PCDHAC1: variants seen among roughly 807,000 people sequenced by gnomAD.
The protein encoded by PCDHAC1 is protocadherin alpha subfamily C, 1, also known as protocadherin alpha-C1.
A neutral mutation model predicts 60.0 loss-of-function variants in PCDHAC1; 42 were observed. The observed-to-expected ratio is 0.70, with a 90% CI of 0.55 to 0.90. The LOEUF (loss-of-function observed/expected upper bound fraction) is 0.90, where lower values mean the gene tolerates loss of function less well. Ranked by LOEUF, PCDHAC1 falls within the 40% of genes least tolerant of loss-of-function variation. The pLI is 0.00. For missense variants in PCDHAC1, 1,160 were observed against 1,222.3 expected, an observed-to-expected ratio of 0.95 and a Z score of 0.76; for synonymous variants, 468 against 499.3, an observed-to-expected ratio of 0.94 and a Z score of 0.84.
At chr5:140,989,598 TA>T (rs1554250927) in intron 3 of PCDHAC1, among the ~76,000 whole-genome samples, 1 of 152,144 alleles carries the variant, frequency 6.6e-6, no homozygotes, top group Non-Finnish European at 1.5e-5. Flanking sequence ...CTGACACAAG[TA>T]AACTAAAAAT....
intron 2 of PCDHAC1, among the ~76,000 whole-genome samples, chr5:140,981,648 C>T (rs1294806137): frequency 6.6e-6 from 1 of 152,020 alleles, no homozygotes; most frequent in Non-Finnish European, 1.5e-5. Context: ...TCTTAGGATC[C>T]CACTTATTTC....
At chr5:141,002,014 C>T (rs1025365420) in intron 3 of PCDHAC1, among the ~76,000 whole-genome samples, 1 of 152,220 alleles carries the variant, frequency 6.6e-6, no homozygotes, top group Non-Finnish European at 1.5e-5. Context: ...AGAATCTGCA[C>T]AGCCTTCGGT....
chr5:140,969,007 A>T, intron 1 of PCDHAC1: 2 of 1,614,148 alleles, frequency 1.2e-6, no homozygotes, highest in Non-Finnish European at 1.7e-6. Context: ...GCTTCTGTGG[A>T]GTAAGGGAAA....
At position 140,928,208 on chromosome 5, in the gene PCDHAC1, A is replaced by G; in HGVS notation, c.1316A>G (p.Asn439Ser). The change falls in exon 1 of 4, where the codon AAT becomes AGT. Residue 439 changes from asparagine (N) to serine (S), a missense_variant. By Grantham distance (46) the Asn-to-Ser change is conservative. Coordinates refer to ENST00000253807, the MANE Select transcript of PCDHAC1 (RefSeq NM_018898.5). ...ATCACTGTGTCAGTTGCTGATGTGA[A>G]TGACAATACACCAAACTTTCCTCAA... ...RTITVSVADV[N>S]DNTPNFPQPQ... 6.2e-7 allele frequency: 1 copy of G among 1,614,228 alleles called. No individual in the cohort carries two copies. The highest frequency in any genetic ancestry group is 8.5e-7 in the Non-Finnish European group (1 of 1,180,044).
chr5:141,004,933 AAAAT>A (rs1336216932), intron 3 of PCDHAC1, among the ~76,000 whole-genome samples: 1 of 152,198 alleles, frequency 6.6e-6, no homozygotes, highest in Non-Finnish European at 1.5e-5. Flanking sequence ...AAGAGAGAAG[AAAAT>A]TTCTTACCCT....
chr5:140,980,441 A>G (rs1454168972), intron 2 of PCDHAC1, among the ~76,000 whole-genome samples: 7 of 152,124 alleles, frequency 4.6e-5, no homozygotes, highest in African/African-American at 1.7e-4. Context: ...ACCATCCTGG[A>G]CAACACGGTG....
rs145391750 is a variant in PCDHAC1, at chr5:140,989,649, A to G, written c.2581+7086A>G. On this transcript the variant is annotated intron_variant, in intron 3 of 3. Coordinates refer to ENST00000253807, the MANE Select transcript of PCDHAC1 (RefSeq NM_018898.5). ...GTGACAGCAAGGGTCTTTCATGGCA[A>G]TATTTTAAAAGAAACTCTGCCCAGA... 1.8e-3 allele frequency among the ~76,000 whole-genome samples: 268 copies of G among 152,316 alleles called. 1 individual carries two copies. The highest frequency in any genetic ancestry group is 6.3e-3 in the African/African-American group (263 of 41,564).
intron 1 of PCDHAC1, among the ~76,000 whole-genome samples, chr5:140,933,221 G>A (rs952837794): frequency 2.0e-5 from 3 of 151,758 alleles, no homozygotes; most frequent in Non-Finnish European, 4.4e-5. Flanking sequence ...CTGTTATATT[G>A]CATTTATGAA....
chr5:141,000,103 G>T (rs551643743), intron 3 of PCDHAC1, among the ~76,000 whole-genome samples: 2 of 152,068 alleles, frequency 1.3e-5, no homozygotes, highest in Non-Finnish European at 2.9e-5. Flanking sequence ...GCTCAACTCC[G>T]TCTCTTCCCT....
In PCDHAC1 at chr5:140,982,309, G is replaced by A. The variant is rs1459964622; in HGVS notation, c.2493-166G>A. On this transcript the variant is annotated intron_variant, in intron 2 of 3. Coordinates refer to ENST00000253807, the MANE Select transcript of PCDHAC1 (RefSeq NM_018898.5). Reference sequence around the variant, plus strand: ...TAAGTAAGTCAGCAATGCTTCTGCAGTTTATGCAGGGTGACTGCTCAGCAG... The same window carrying A: ...TAAGTAAGTCAGCAATGCTTCTGCAATTTATGCAGGGTGACTGCTCAGCAG... 5.4e-6 allele frequency: 7 copies of A among 1,306,624 alleles called. No homozygotes were observed. The Admixed American group carries it at 1.8e-4, about 34-fold the overall frequency. The allele number at this position is 1,306,624 out of a possible 1,614,324, so 80.9% of individuals were successfully genotyped here. A position where few individuals can be genotyped will look rare whatever the true frequency, so the allele number is the denominator to read the frequency against.
Position 140,927,592 on chromosome 5 carries a change from G to A in PCDHAC1, c.700G>A (p.Glu234Lys). 5 of 1,614,170 alleles carry A rather than the reference G, an allele frequency of 3.1e-6. No individual in the cohort carries two copies. Among genetic ancestry groups the A allele is most frequent in the Non-Finnish European group, 4.2e-6 (5 of 1,180,036 alleles). The change falls in exon 1 of 4, where the codon GAG becomes AAG. Residue 234 changes from glutamate (E) to lysine (K), a missense_variant. By Grantham distance (56) the Glu-to-Lys change is moderately conservative. Transcript: ENST00000253807. ...CACAAATGACAACGCGCCTGTATTT[G>A]AGCGCTCCGTATACCGCACCAAGGT... ...VDTNDNAPVF[E>K]RSVYRTKVPE...
chr5:140,970,647 T>C lies in PCDHAC1; in HGVS notation c.2434-8302T>C, dbSNP rs529255517. Among the ~76,000 whole-genome samples, 9 of 152,352 alleles carry C rather than the reference T, an allele frequency of 5.9e-5. No homozygotes were observed. The South Asian group carries it at 1.9e-3, about 32-fold the overall frequency. On this transcript the variant is annotated intron_variant, in intron 1 of 3. Coordinates refer to ENST00000253807, the MANE Select transcript of PCDHAC1 (RefSeq NM_018898.5). ...CAAAATTTTGTACCATAAATAGTGA[T>C]GAATTGTTATCTTTCCAAATAACTA...
intron 3 of PCDHAC1, among the ~76,000 whole-genome samples, chr5:141,007,475 C>T (rs575810038): frequency 1.2e-4 from 18 of 151,396 alleles, no homozygotes; most frequent in Non-Finnish European, 2.1e-4. Flanking sequence ...GGCTGAGGCA[C>T]GAGAATTACT....
At chr5:140,978,615 T>C in intron 1 of PCDHAC1, among the ~76,000 whole-genome samples, 1 of 152,238 alleles carries the variant, frequency 6.6e-6, no homozygotes, top group East Asian at 1.9e-4. Context: ...GCAAAAGCAG[T>C]GAAAGCTTTT....
intron 1 of PCDHAC1, among the ~76,000 whole-genome samples, chr5:140,933,844 G>A (rs2089450133): frequency 6.6e-6 from 1 of 151,910 alleles, no homozygotes; most frequent in South Asian, 2.1e-4. Context: ...TTTCATTCCT[G>A]TACCTTTAAT....
chr5:140,968,871 C>A lies in PCDHAC1; in HGVS notation c.2434-10078C>A, dbSNP rs782670653. 11 of 1,614,218 alleles carry A rather than the reference C, an allele frequency of 6.8e-6. No individual in the cohort carries two copies. In the South Asian group the frequency reaches 1.2e-4, roughly 18 times the overall value. On this transcript the variant is annotated intron_variant, in intron 1 of 3. Coordinates refer to ENST00000253807, the MANE Select transcript of PCDHAC1 (RefSeq NM_018898.5). ...CATGTTAAGAGCCCTCGGACATACT[C>A]TGAAATTACCCTTTATCTAATAATA...
chr5:141,007,481 T>C (rs2098332347), intron 3 of PCDHAC1, among the ~76,000 whole-genome samples: 1 of 151,600 alleles, frequency 6.6e-6, no homozygotes, highest in Non-Finnish European at 1.5e-5. Context: ...GGCACGAGAA[T>C]TACTTGGACC....
chr5:140,942,223 G>A (rs1334170178), intron 1 of PCDHAC1, among the ~76,000 whole-genome samples: 4 of 152,064 alleles, frequency 2.6e-5, no homozygotes, highest in African/African-American at 9.7e-5. Flanking sequence ...TTTAAAATGT[G>A]TAGGCAAATA....
intron 1 of PCDHAC1, among the ~76,000 whole-genome samples, chr5:140,940,131 G>A (rs1443086111): frequency 7.2e-5 from 11 of 152,092 alleles, no homozygotes; most frequent in African/African-American, 2.4e-4. Context: ...ATTTCTGCTA[G>A]TGATAAACTA....
Sources: gnomAD v4.1 joint callset for allele counts (sites outside exome capture counted in the v4.1 genomes callset) on GRCh38, gnomAD v4.1.1 for gene constraint, MANE v1.5 for transcripts, NCBI Gene and HGNC (gene_info 2026-07-23, HGNC 2026-07-21) for gene names.